MTTP: variants seen among roughly 807,000 people sequenced by gnomAD.
MTTP encodes microsomal triglyceride transfer protein, also known as microsomal triglyceride transfer protein large subunit.
A neutral mutation model predicts 90.6 loss-of-function variants in MTTP; 49 were observed. That is an observed-to-expected ratio of 0.54 (90% CI 0.43 to 0.69). The LOEUF (loss-of-function observed/expected upper bound fraction) is 0.69, where lower values mean the gene tolerates loss of function less well. Among genes scored for constraint, MTTP ranks in the 30% least tolerant of loss-of-function variants. MTTP has a pLI of 0.00. For synonymous variants in MTTP, 347 were observed against 384.2 expected (o/e 0.90, Z 1.13); for missense variants, 945 against 1,067.5 (o/e 0.89, Z 1.60).
At chr4:99,614,358 G>A (rs1027825924) in intron 15 of MTTP, among the ~76,000 whole-genome samples, 7 of 152,156 alleles carry the variant, frequency 4.6e-5, no homozygotes, top group African/African-American at 1.7e-4. Context: ...TTAAGGGCTG[G>A]GAGATATCTT....
chr4:99,620,930 C>T lies in MTTP; in HGVS notation c.2343-131C>T. On this transcript the variant is annotated intron_variant, in intron 16 of 17. Coordinates refer to ENST00000265517, the MANE Select transcript of MTTP (RefSeq NM_001386140.1). ...AGAACTCTAAGCACATCCAGGTCACCTCTGAATCCCTTAAGTGTTTCCTTC... is the reference window on the plus strand; with the variant it reads ...AGAACTCTAAGCACATCCAGGTCACTTCTGAATCCCTTAAGTGTTTCCTTC... 4.7e-6 allele frequency: 4 copies of T among 858,722 alleles called. No individual in the cohort carries two copies. In the South Asian group the frequency reaches 5.0e-5, roughly 11 times the overall value. 53.2% of individuals were successfully genotyped at this position (858,722 alleles called of 1,614,324 possible).
At chr4:99,577,193 T>C (rs1190347342) in intron 1 of MTTP, among the ~76,000 whole-genome samples, 4 of 152,190 alleles carry the variant, frequency 2.6e-5, no homozygotes, top group Admixed American at 2.6e-4. Flanking sequence ...TTAAAATCAG[T>C]CCATTTAAAA....
chr4:99,609,018 A>G (rs770189586), intron 12 of MTTP, 41 bp downstream of exon 12: 5 of 1,546,188 alleles, frequency 3.2e-6, no homozygotes, highest in Non-Finnish European at 3.6e-6. Flanking sequence ...ATTCAAGCTT[A>G]TTTGTGTGTT....
At chr4:99,587,909 G>C (rs1354005871) in intron 3 of MTTP, among the ~76,000 whole-genome samples, 1 of 152,148 alleles carries the variant, frequency 6.6e-6, no homozygotes, top group South Asian at 2.1e-4. Context: ...CTGAGATATT[G>C]CCAGTGATTT....
chr4:99,584,380 TAAAG>T (rs1725205079), intron 3 of MTTP, among the ~76,000 whole-genome samples: 1 of 152,102 alleles, frequency 6.6e-6, no homozygotes, highest in Non-Finnish European at 1.5e-5. Flanking sequence ...AAATTCAAAA[TAAAG>T]AAAAACTGAT....
At chr4:99,598,596 A>G (rs1202371780) in intron 8 of MTTP, among the ~76,000 whole-genome samples, 1 of 150,936 alleles carries the variant, frequency 6.6e-6, no homozygotes, top group Non-Finnish European at 1.5e-5. Flanking sequence ...ATGAACTAAA[A>G]TTGGAAAATT....
At chr4:99,618,864 C>A in intron 15 of MTTP, 110 bp from the exon 16 acceptor site, 2 of 1,426,668 alleles carry the variant, frequency 1.4e-6, no homozygotes, top group South Asian at 1.2e-5. Flanking sequence ...AACATCAACA[C>A]AACTCAAATG....
At chr4:99,614,984 T>G (rs181458523) in intron 15 of MTTP, among the ~76,000 whole-genome samples, 2 of 152,332 alleles carry the variant, frequency 1.3e-5, no homozygotes, top group East Asian at 3.9e-4. Flanking sequence ...AATTTTACAT[T>G]GCACAATTCC....
At chr4:99,597,373 CCA>C in intron 8 of MTTP, 149 bp downstream of exon 8, 1 of 874,498 alleles carries the variant, frequency 1.1e-6, no homozygotes, top group Non-Finnish European at 1.8e-6. Context: ...AAAAGTTATG[CCA>C]CAGTGCAGTA....
At chr4:99,604,481 AAC>A (rs1469007871) in intron 10 of MTTP, among the ~76,000 whole-genome samples, 20 of 152,302 alleles carry the variant, frequency 1.3e-4, no homozygotes, top group Admixed American at 1.2e-3. Context: ...CAATTCCATG[AAC>A]ACCCAGATAT....
In MTTP at chr4:99,606,799, A is replaced by G. The variant is rs1376016434; in HGVS notation, c.1396A>G (p.Lys466Glu). 44 of 1,614,070 alleles carry G rather than the reference A, an allele frequency of 2.7e-5. No homozygotes were observed. Among genetic ancestry groups the G allele is most frequent in the Non-Finnish European group, 3.6e-5 (43 of 1,179,992 alleles). ...CCTGGGAGGACTTGAAAAAGCAGAG[A>G]AAAAAGAGGACACCAGGATGTATCT... ...LILGGLEKAE[K>E]KEDTRMYLLA... Residue 466 changes from lysine to glutamate, a missense_variant, in exon 11 of 18, where the codon AAA becomes GAA. By Grantham distance (56) the Lys-to-Glu change is moderately conservative (BLOSUM62 1). Transcript: ENST00000265517.
At chr4:99,582,430 T>A (rs1725142806) in intron 2 of MTTP, among the ~76,000 whole-genome samples, 1 of 152,144 alleles carries the variant, frequency 6.6e-6, no homozygotes. Context: ...TGAAAAACAA[T>A]TTAGACCACT....
chr4:99,564,289 C>T, intron 1 of MTTP: 1 of 1,495,888 alleles, frequency 6.7e-7, no homozygotes, highest in Non-Finnish European at 8.9e-7. Context: ...AAATGCAAAA[C>T]AACGAAGAAA....
chr4:99,604,785 T>C (rs1560622351), intron 10 of MTTP, among the ~76,000 whole-genome samples: 1 of 152,192 alleles, frequency 6.6e-6, no homozygotes, highest in Non-Finnish European at 1.5e-5. Context: ...TCTCCCACTG[T>C]GACAACTGTG....
intron 3 of MTTP, 49 bp from the exon 4 acceptor site, chr4:99,589,594 A>G (rs1165492469): frequency 1.9e-6 from 2 of 1,044,302 alleles, no homozygotes; most frequent in Admixed American, 1.7e-5. Flanking sequence ...AAATCTGATA[A>G]ATGATGCATT....
At position 99,591,220 on chromosome 4, in the gene MTTP, T is replaced by C; in HGVS notation, c.502-15T>C. The C allele has an allele frequency of 1.3e-6, 2 of 1,553,080 alleles. No individual in the cohort carries two copies. The highest frequency in any genetic ancestry group is 1.8e-6 in the Non-Finnish European group (2 of 1,124,864). On this transcript the variant is annotated splice_polypyrimidine_tract_variant and intron_variant, in intron 4 of 17. Coordinates refer to ENST00000265517, the MANE Select transcript of MTTP (RefSeq NM_001386140.1). ...CAAGGAATCCCAAGCATTATGCCCT[T>C]GCCTTTCTTTTTAGGTAGATATCTC...
rs752590883 is a variant in MTTP at position 99,619,071 on chromosome 4, G to A, written c.2315G>A (p.Arg772His). Residue 772 changes from arginine to histidine, a missense_variant, in exon 16 of 18, where the codon CGT (arginine) becomes CAT (histidine). Physicochemically the swap from Arg to His is conservative, Grantham distance 29 (BLOSUM62 0). Transcript: ENST00000265517. The stretch of plus-strand genomic sequence containing the variant: ...GCAATGGAGTTTAGCTTGTGGTATC[G>A]TGAGTCTAAAACCCGAGTGAAAAAT... ...SGAMEFSLWYRESKTRVKNRV... is the reference protein window; with the variant it reads ...SGAMEFSLWYHESKTRVKNRV... 17 of 1,613,418 alleles carry A rather than the reference G, an allele frequency of 1.1e-5. No individual in the cohort carries two copies. Among genetic ancestry groups the A allele is most frequent in the East Asian group, 6.7e-5 (3 of 44,838 alleles).
intron 2 of MTTP, among the ~76,000 whole-genome samples, chr4:99,582,760 C>G (rs1404621309): frequency 6.6e-6 from 1 of 152,092 alleles, no homozygotes; most frequent in East Asian, 1.9e-4. Flanking sequence ...GTACACAGGA[C>G]AAAGTACTTG....
rs1726278703 is a variant in MTTP, at chr4:99,622,943, A to G, written c.*95A>G. The G allele has an allele frequency of 4.3e-6, 6 of 1,397,758 alleles. No homozygotes were observed. In the South Asian group the frequency reaches 7.0e-5, roughly 16 times the overall value. The allele number at this position is 1,397,758 out of a possible 1,614,324, so 86.6% of individuals were successfully genotyped here. On this transcript the variant is annotated 3_prime_UTR_variant, in exon 18 of 18. Transcript: ENST00000265517. Reference sequence around the variant, plus strand: ...TGCTCTCTGAGAGCACAGCGTTTACATATTTACCTGTATTTAAGATTTTTG... The same window carrying G: ...TGCTCTCTGAGAGCACAGCGTTTACGTATTTACCTGTATTTAAGATTTTTG...
Sources: allele counts gnomAD v4.1 joint callset (sites outside exome capture counted in the v4.1 genomes callset), GRCh38; gene constraint gnomAD v4.1.1; transcripts MANE v1.5; gene names NCBI Gene and HGNC (gene_info 2026-07-23, HGNC 2026-07-21).